Variants in SSBP3 observed in about 807,000 individuals in gnomAD.
The protein encoded by SSBP3 is single-stranded DNA-binding protein 3.
A neutral mutation model predicts 69.6 loss-of-function variants in SSBP3; 5 were observed. The observed-to-expected ratio is 0.07, with a 90% CI of 0.04 to 0.15. The LOEUF is 0.15. Ranked by LOEUF, SSBP3 falls within the 10% of genes least tolerant of loss-of-function variation. SSBP3 has a pLI of 1.00. For missense variants in SSBP3, 312 were observed against 534.0 expected (o/e 0.58, Z 4.10); for synonymous variants, 196 against 193.4 (o/e 1.01, Z -0.11).
At chr1:54,369,220 G>GT (rs928739617) in intron 4 of SSBP3, among the ~76,000 whole-genome samples, 12 of 149,452 alleles carry the variant, frequency 8.0e-5, no homozygotes, top group Non-Finnish European at 1.6e-4. Context: ...TCTTGAGTCG[G>GT]GGGGGGGGCC....
chr1:54,395,383 G>A (rs1293927277), intron 4 of SSBP3, among the ~76,000 whole-genome samples: 1 of 152,238 alleles, frequency 6.6e-6, no homozygotes, highest in Non-Finnish European at 1.5e-5. Context: ...CTGATGCCAA[G>A]CTGCATGCCC....
intron 4 of SSBP3, among the ~76,000 whole-genome samples, chr1:54,327,025 C>T (rs1646317365): frequency 6.6e-6 from 1 of 151,954 alleles, no homozygotes; most frequent in South Asian, 2.1e-4. Flanking sequence ...ACAGGCAACG[C>T]CAGGGCAGAG....
At chr1:54,281,922 C>A (rs921845530) in intron 4 of SSBP3, among the ~76,000 whole-genome samples, 1 of 151,970 alleles carries the variant, frequency 6.6e-6, no homozygotes, top group African/African-American at 2.4e-5. Context: ...CATAGGGAGA[C>A]CCCGTCCCTA....
intron 4 of SSBP3, among the ~76,000 whole-genome samples, chr1:54,354,593 C>A (rs1477824574): frequency 6.6e-6 from 1 of 152,104 alleles, no homozygotes; most frequent in African/African-American, 2.4e-5. Context: ...AACACACAGA[C>A]CTCTCCCCCA....
intron 17 of SSBP3, among the ~76,000 whole-genome samples, chr1:54,227,897 A>G (rs1339800017): frequency 6.6e-6 from 1 of 152,230 alleles, no homozygotes; most frequent in Non-Finnish European, 1.5e-5. Context: ...ACCCGTGTTG[A>G]GAGCCCTGAA....
intron 4 of SSBP3, among the ~76,000 whole-genome samples, chr1:54,314,065 G>A (rs1389641091): frequency 6.6e-6 from 1 of 152,190 alleles, no homozygotes; most frequent in Non-Finnish European, 1.5e-5. Context: ...CTCCCAGCCA[G>A]ATTTTCACTT....
chr1:54,330,603 T>C (rs1018775711), intron 4 of SSBP3, among the ~76,000 whole-genome samples: 5 of 152,164 alleles, frequency 3.3e-5, no homozygotes, highest in African/African-American at 1.2e-4. Flanking sequence ...CACATCCCTC[T>C]GATGGAGGTA....
intron 4 of SSBP3, among the ~76,000 whole-genome samples, chr1:54,295,560 C>T (rs1197541699): frequency 6.6e-6 from 1 of 152,170 alleles, no homozygotes; most frequent in Non-Finnish European, 1.5e-5. Context: ...TCTTGGGCTC[C>T]CTGACCAATT....
At chr1:54,313,095 AG>A (rs1274163784) in intron 4 of SSBP3, among the ~76,000 whole-genome samples, 1 of 144,902 alleles carries the variant, frequency 6.9e-6, no homozygotes, top group Non-Finnish European at 1.5e-5. Context: ...GGGTCGTGCT[AG>A]GGTTAGGGCG....
intron 5 of SSBP3, among the ~76,000 whole-genome samples, chr1:54,280,395 C>G (rs1220040510): frequency 2.6e-5 from 4 of 152,192 alleles, no homozygotes; most frequent in African/African-American, 9.7e-5. Flanking sequence ...TGGCCTATAC[C>G]AAGCAAAAGT....
intron 5 of SSBP3, among the ~76,000 whole-genome samples, chr1:54,260,406 G>C (rs777453342): frequency 5.9e-5 from 9 of 152,256 alleles, no homozygotes; most frequent in Non-Finnish European, 1.0e-4. Flanking sequence ...AGTGGTCAGG[G>C]AGGGCAGGAG....
At position 54,405,879 on chromosome 1, in the gene SSBP3, C is replaced by T. The variant is rs1283099776; in HGVS notation, c.56+74G>A. The T allele has an allele frequency of 5.9e-4, 125 of 212,546 alleles. 5 individuals carry two copies. The highest frequency in any genetic ancestry group is 4.2e-5 in the Non-Finnish European group (5 of 119,492). 13.2% of individuals were successfully genotyped at this position (212,546 alleles called of 1,614,324 possible). The stretch of plus-strand genomic sequence containing the variant: ...GCAGCCTCCGGCCCCCGCCCGCCCG[C>T]CCACCTGCCTCCCACCGCCCGCCCG... On this transcript the variant is annotated intron_variant, in intron 1 of 17. Coordinates refer to ENST00000610401, the Ensembl canonical transcript of SSBP3.
intron 4 of SSBP3, among the ~76,000 whole-genome samples, chr1:54,388,051 T>C (rs1648215379): frequency 1.3e-5 from 2 of 152,278 alleles, no homozygotes; most frequent in South Asian, 4.1e-4. Flanking sequence ...TACATGTCAC[T>C]GGCTTTTAAG....
intron 4 of SSBP3, among the ~76,000 whole-genome samples, chr1:54,397,090 G>A (rs1648946030): frequency 6.6e-6 from 1 of 152,214 alleles, no homozygotes; most frequent in African/African-American, 2.4e-5. Flanking sequence ...TGTATGTTTT[G>A]TGTTTTTAAT....
chr1:54,259,317 T>C (rs1396010648), intron 5 of SSBP3, among the ~76,000 whole-genome samples: 6 of 152,164 alleles, frequency 3.9e-5, no homozygotes, highest in Admixed American at 1.3e-4. Context: ...GAGCTTTGTG[T>C]ATTTTAAGGC....
At chr1:54,385,454 C>T (rs575335371) in intron 4 of SSBP3, among the ~76,000 whole-genome samples, 3 of 152,164 alleles carry the variant, frequency 2.0e-5, no homozygotes, top group African/African-American at 7.2e-5. Context: ...TAGCACTGTC[C>T]CTTCCCTTCT....
chr1:54,406,942 TCCAGCCCGGCCC>T (rs1386102829), upstream of SSBP3, among the ~76,000 whole-genome samples: 1 of 145,464 alleles, frequency 6.9e-6, no homozygotes, highest in Non-Finnish European at 1.5e-5. Context: ...CTCCCCAGAC[TCCAGCCCGGCCC>T]CCAGCCCGCC....
chr1:54,273,803 G>A (rs1056877696), intron 5 of SSBP3, among the ~76,000 whole-genome samples: 4 of 152,234 alleles, frequency 2.6e-5, no homozygotes, highest in Non-Finnish European at 5.9e-5. Context: ...AGGATAGGGG[G>A]CTTCATCACA....
At chr1:54,289,183 A>T (rs1025800084) in intron 4 of SSBP3, among the ~76,000 whole-genome samples, 1 of 151,908 alleles carries the variant, frequency 6.6e-6, no homozygotes, top group Non-Finnish European at 1.5e-5. Flanking sequence ...CGTGTTTGAG[A>T]CTGTCTATAT....
Sources: gnomAD v4.1 joint callset for allele counts (sites outside exome capture counted in the v4.1 genomes callset) on GRCh38, gnomAD v4.1.1 for gene constraint, MANE v1.5 for transcripts, NCBI Gene and HGNC (gene_info 2026-07-23, HGNC 2026-07-21) for gene names.